The following ANO2 variants were observed in gnomAD, a reference collection of about 807,000 sequenced individuals.
ANO2 encodes anoctamin-2.
ANO2 carries 101 observed loss-of-function variants against 124.2 expected under a neutral mutation model. That is an observed-to-expected ratio of 0.81 (90% confidence interval 0.69 to 0.96). The LOEUF is 0.96. Ranked by LOEUF, ANO2 falls within the 40% of genes least tolerant of loss-of-function variation. ANO2 has a pLI of 0.00. For missense variants in ANO2, 1,293 were observed against 1,274.5 expected, an observed-to-expected ratio of 1.01 and a Z score of -0.22; for synonymous variants, 486 against 482.5, an observed-to-expected ratio of 1.01 and a Z score of -0.09.
chr12:5,838,791 T>C (rs1022653692), intron 4 of ANO2, among the ~76,000 whole-genome samples: 1 of 152,202 alleles, frequency 6.6e-6, no homozygotes, highest in Non-Finnish European at 1.5e-5. Context: ...CTCAGTTGAT[T>C]TGTCTGTCTG....
At chr12:5,939,401 T>C (rs566621256) in intron 1 of ANO2, among the ~76,000 whole-genome samples, 1 of 152,208 alleles carries the variant, frequency 6.6e-6, no homozygotes, top group African/African-American at 2.4e-5. Context: ...ATTGAGCACC[T>C]ACCGTGTGTC....
Position 5,889,249 on chromosome 12 carries a change from G to A in ANO2, c.534+31791C>T, listed in dbSNP as rs375656795. ...CCTCTCCCTCTACACCTCCCTGCAAGCTGAGGGAGCCGACTCCGGCCTCGG... is the reference window on the plus strand; with the variant it reads ...CCTCTCCCTCTACACCTCCCTGCAAACTGAGGGAGCCGACTCCGGCCTCGG... On this transcript the variant is annotated intron_variant, in intron 3 of 24. Coordinates refer to ENST00000682330, the MANE Select transcript of ANO2 (RefSeq NM_001364791.2). Among the ~76,000 whole-genome samples the A allele has an allele frequency of 5.4e-3, 826 of 152,324 alleles. 6 individuals carry two copies. The highest frequency in any genetic ancestry group is 0.019 in the African/African-American group (802 of 41,578).
chr12:5,672,583 G>C (rs1948063563), intron 14 of ANO2, among the ~76,000 whole-genome samples: 2 of 138,406 alleles, frequency 1.4e-5, no homozygotes, highest in African/African-American at 2.5e-5. Context: ...GTCAGCTCGT[G>C]TGTGTGTGTG....
At chr12:5,657,297 A>G (rs931511283) in intron 14 of ANO2, among the ~76,000 whole-genome samples, 3 of 152,174 alleles carry the variant, frequency 2.0e-5, no homozygotes. Context: ...GTCCTCATCA[A>G]GAACACAAGC....
At chr12:5,800,260 C>T (rs939526100) in intron 9 of ANO2, among the ~76,000 whole-genome samples, 4 of 152,118 alleles carry the variant, frequency 2.6e-5, no homozygotes, top group Admixed American at 6.6e-5. Flanking sequence ...AGAGTGAGCA[C>T]GGGGAGAACG....
chr12:5,927,238 C>T (rs939059539), intron 1 of ANO2, among the ~76,000 whole-genome samples: 23 of 152,202 alleles, frequency 1.5e-4, no homozygotes, highest in Admixed American at 1.4e-3. Flanking sequence ...GGGATGACCA[C>T]ACATTTTTTA....
At chr12:5,798,337 C>T (rs1364044328) in intron 10 of ANO2, among the ~76,000 whole-genome samples, 2 of 152,122 alleles carry the variant, frequency 1.3e-5, no homozygotes, top group African/African-American at 2.4e-5. Flanking sequence ...CACCTGCTTC[C>T]AAGAGACATC....
intron 14 of ANO2, among the ~76,000 whole-genome samples, chr12:5,650,822 A>G (rs1345795774): frequency 6.6e-6 from 1 of 152,192 alleles, no homozygotes; most frequent in African/African-American, 2.4e-5. Context: ...CAGCTTCCTT[A>G]TCTGTAAAAT....
At chr12:5,880,584 G>A (rs2137296059) in intron 3 of ANO2, among the ~76,000 whole-genome samples, 1 of 152,036 alleles carries the variant, frequency 6.6e-6, no homozygotes, top group East Asian at 1.9e-4. Context: ...CCCAAGGGAG[G>A]GAAAATGTCA....
At chr12:5,911,494 C>T (rs1437576689) in intron 3 of ANO2, among the ~76,000 whole-genome samples, 1 of 152,190 alleles carries the variant, frequency 6.6e-6, no homozygotes, top group African/African-American at 2.4e-5. Flanking sequence ...AACCAACTGT[C>T]CCCCGAGTCT....
intron 14 of ANO2, among the ~76,000 whole-genome samples, chr12:5,719,616 C>T (rs1210649085): frequency 2.0e-5 from 3 of 152,334 alleles, no homozygotes; most frequent in Middle Eastern, 3.4e-3. Flanking sequence ...AAGCAGACAA[C>T]AGCCCTTATC....
At chr12:5,929,954 T>C (rs1258030871) in intron 1 of ANO2, among the ~76,000 whole-genome samples, 1 of 147,896 alleles carries the variant, frequency 6.8e-6, no homozygotes, top group Non-Finnish European at 1.5e-5. Context: ...TCTTTCCTTA[T>C]TAGTCACTTT....
chr12:5,772,574 C>T (rs1362991360), intron 10 of ANO2, among the ~76,000 whole-genome samples: 4 of 152,118 alleles, frequency 2.6e-5, no homozygotes, highest in Admixed American at 6.5e-5. Context: ...TTATATACAT[C>T]ATTACCCAAA....
At chr12:5,655,972 T>C (rs1281208799) in intron 14 of ANO2, among the ~76,000 whole-genome samples, 2 of 152,140 alleles carry the variant, frequency 1.3e-5, no homozygotes, top group Non-Finnish European at 2.9e-5. Flanking sequence ...TTCAAGTAAG[T>C]TAAGAGCAGC....
intron 16 of ANO2, among the ~76,000 whole-genome samples, chr12:5,625,261 G>C (rs1002887523): frequency 4.6e-5 from 7 of 152,062 alleles, no homozygotes; most frequent in Non-Finnish European, 8.8e-5. Flanking sequence ...TGTTGTCCAG[G>C]CACAAACCAG....
chr12:5,813,160 G>C (rs1953491098), intron 7 of ANO2, among the ~76,000 whole-genome samples: 2 of 152,192 alleles, frequency 1.3e-5, no homozygotes, highest in Non-Finnish European at 2.9e-5. Context: ...AAAAGGGACT[G>C]AATGCCAAAT....
intron 15 of ANO2, among the ~76,000 whole-genome samples, chr12:5,641,795 G>A (rs1029329459): frequency 2.6e-5 from 4 of 152,170 alleles, no homozygotes; most frequent in Admixed American, 2.6e-4. Flanking sequence ...GGCTGGGAAA[G>A]GGAAGATTTT....
intron 4 of ANO2, among the ~76,000 whole-genome samples, chr12:5,845,936 T>C (rs1954673034): frequency 6.6e-6 from 1 of 152,248 alleles, no homozygotes; most frequent in African/African-American, 2.4e-5. Context: ...TTAACTATAT[T>C]TAAAACTCAA....
chr12:5,793,334 C>T (rs192721503), intron 10 of ANO2, among the ~76,000 whole-genome samples: 248 of 152,196 alleles, frequency 1.6e-3, no homozygotes, highest in Non-Finnish European at 3.0e-3. Context: ...ATGAATATGC[C>T]GCAAGAAAAA....
Sources: gnomAD v4.1 joint callset for allele counts (sites outside exome capture counted in the v4.1 genomes callset) on GRCh38, gnomAD v4.1.1 for gene constraint, MANE v1.5 for transcripts, NCBI Gene and HGNC (gene_info 2026-07-23, HGNC 2026-07-21) for gene names.